The following SLX4IP variants were observed in gnomAD, a reference collection of about 807,000 sequenced individuals.
SLX4IP encodes SLX4 interacting protein.
A neutral mutation model predicts 32.9 loss-of-function variants in SLX4IP; 34 were observed. That is an observed-to-expected ratio of 1.03 (90% confidence interval 0.79 to 1.38). The LOEUF (loss-of-function observed/expected upper bound fraction) is 1.38, where lower values mean the gene tolerates loss of function less well. Among genes scored for constraint, SLX4IP ranks in the 40% most tolerant of loss-of-function variants. The pLI is 0.00. For missense variants in SLX4IP, 444 were observed against 479.0 expected, an observed-to-expected ratio of 0.93 and a Z score of 0.68; for synonymous variants, 172 against 171.7, an observed-to-expected ratio of 1.00 and a Z score of -0.01.
chr20:10,625,475 T>C lies in SLX4IP; in HGVS notation c.*2096T>C, dbSNP rs1255947508. On this transcript the variant is annotated 3_prime_UTR_variant, in exon 8 of 8. Transcript: ENST00000334534. ...CTATTGAGAAGTTTTTATTTGTTTG[T>C]TCTGTTGGTTTTTTGTTATTTCTGT... is the stretch of plus-strand genomic sequence containing the variant. 1 of 152,214 alleles carries C rather than the reference T, an allele frequency of 6.6e-6. No individual in the cohort carries two copies. The allele number at this position is 152,214 out of a possible 1,614,324, so 9.4% of individuals were successfully genotyped here.
chr20:10,581,048 A>G (rs919086458), intron 4 of SLX4IP, among the ~76,000 whole-genome samples: 16 of 152,138 alleles, frequency 1.1e-4, no homozygotes, highest in African/African-American at 3.4e-4. Context: ...CTGAGCCCCA[A>G]AAAAGCCTTT....
chr20:10,600,684 G>T (rs1033893049), intron 5 of SLX4IP, among the ~76,000 whole-genome samples: 3 of 152,138 alleles, frequency 2.0e-5, no homozygotes, highest in Non-Finnish European at 4.4e-5. Flanking sequence ...CTCAGTCATT[G>T]CCATCATGTG....
At chr20:10,596,736 T>C (rs2066775059) in intron 4 of SLX4IP, among the ~76,000 whole-genome samples, 1 of 152,212 alleles carries the variant, frequency 6.6e-6, no homozygotes, top group Non-Finnish European at 1.5e-5. Flanking sequence ...TATGTGTTTG[T>C]GAGTCACCAA....
intron 1 of SLX4IP, among the ~76,000 whole-genome samples, chr20:10,455,300 A>C (rs6039945): frequency 0.47 from 71,963 of 151,940 alleles, 18,954 homozygotes; most frequent in Non-Finnish European, 0.6. Context: ...TTGCCTAATG[A>C]AAGGTCACAA....
intron 2 of SLX4IP, among the ~76,000 whole-genome samples, chr20:10,507,706 G>A (rs560988046): frequency 1.3e-4 from 20 of 152,124 alleles, no homozygotes; most frequent in Admixed American, 2.6e-4. Flanking sequence ...TGGGACAGAA[G>A]CCTATTATCT....
intron 6 of SLX4IP, among the ~76,000 whole-genome samples, chr20:10,604,231 T>C (rs2066876562): frequency 6.6e-6 from 1 of 152,240 alleles, no homozygotes; most frequent in South Asian, 2.1e-4. Flanking sequence ...GTAGCTATGT[T>C]GGAAAGATTT....
chr20:10,452,527 G>A (rs914790983), intron 1 of SLX4IP, among the ~76,000 whole-genome samples: 1 of 151,546 alleles, frequency 6.6e-6, no homozygotes, highest in Non-Finnish European at 1.5e-5. Flanking sequence ...TTAGCTGGGC[G>A]TGGTGGCATG....
At chr20:10,613,088 C>T (rs571932298) in intron 6 of SLX4IP, 15 of 304,762 alleles carry the variant, frequency 4.9e-5, no homozygotes, top group Non-Finnish European at 8.1e-5. Context: ...CTAACAGACA[C>T]GCACATCGCA....
chr20:10,557,919 G>A (rs2066284922), intron 3 of SLX4IP, among the ~76,000 whole-genome samples: 1 of 152,240 alleles, frequency 6.6e-6, no homozygotes, highest in Non-Finnish European at 1.5e-5. Context: ...AAGCTGTGCA[G>A]TGCATGACAG....
chr20:10,595,997 G>A (rs1462861081), intron 4 of SLX4IP, among the ~76,000 whole-genome samples: 2 of 152,124 alleles, frequency 1.3e-5, no homozygotes, highest in African/African-American at 4.8e-5. Flanking sequence ...AGGTGTAGGG[G>A]TCAAGGTTTC....
intron 2 of SLX4IP, among the ~76,000 whole-genome samples, chr20:10,491,415 C>G (rs765935912): frequency 6.6e-6 from 1 of 152,066 alleles, no homozygotes; most frequent in Non-Finnish European, 1.5e-5. Context: ...GCTTTCGGAC[C>G]TTGCTCCTTT....
At chr20:10,540,096 T>TTTCC (rs61054747) in intron 2 of SLX4IP, among the ~76,000 whole-genome samples, 4,859 of 111,710 alleles carry the variant, frequency 0.043, 167 homozygotes, top group East Asian at 0.11. Flanking sequence ...CCTTCCTTCC[T>TTTCC]TTCCTTCCTT....
intron 1 of SLX4IP, among the ~76,000 whole-genome samples, chr20:10,445,942 T>C (rs1276969319): frequency 1.7e-5 from 2 of 119,222 alleles, no homozygotes; most frequent in African/African-American, 6.3e-5. Flanking sequence ...GCTTTTTTTT[T>C]TTTTTTTTTT....
intron 2 of SLX4IP, among the ~76,000 whole-genome samples, chr20:10,552,076 A>C (rs1382388484): frequency 6.6e-6 from 1 of 152,138 alleles, no homozygotes; most frequent in Admixed American, 6.5e-5. Context: ...AGGGGAAGGG[A>C]GGAGTTGGGG....
intron 1 of SLX4IP, among the ~76,000 whole-genome samples, chr20:10,457,729 T>A (rs957206043): frequency 6.6e-6 from 1 of 152,174 alleles, no homozygotes; most frequent in East Asian, 1.9e-4. Flanking sequence ...TTTGAGAAAT[T>A]TTTCTTATGC....
At chr20:10,466,060 A>G (rs73071189) in intron 2 of SLX4IP, among the ~76,000 whole-genome samples, 382 of 152,366 alleles carry the variant, frequency 2.5e-3, no homozygotes, top group Non-Finnish European at 4.1e-3. Context: ...AGACATGGAC[A>G]CATAATGTAA....
At chr20:10,596,864 T>C (rs2066776663) in intron 4 of SLX4IP, among the ~76,000 whole-genome samples, 1 of 152,218 alleles carries the variant, frequency 6.6e-6, no homozygotes. Flanking sequence ...CTCAGAGTAA[T>C]GTCAGTGGTG....
chr20:10,538,579 G>A (rs1198586688), intron 2 of SLX4IP, among the ~76,000 whole-genome samples: 11 of 151,340 alleles, frequency 7.3e-5, no homozygotes, highest in Admixed American at 5.3e-4. Context: ...AGGCTGGAGT[G>A]CAGTGGTGCC....
chr20:10,475,064 T>G (rs1021032476), intron 2 of SLX4IP, among the ~76,000 whole-genome samples: 1 of 152,198 alleles, frequency 6.6e-6, no homozygotes, highest in African/African-American at 2.4e-5. Flanking sequence ...GAATATTATC[T>G]GCCAAGGCTA....
Sources: allele counts gnomAD v4.1 joint callset (sites outside exome capture counted in the v4.1 genomes callset), GRCh38; gene constraint gnomAD v4.1.1; transcripts MANE v1.5; gene names NCBI Gene and HGNC (gene_info 2026-07-23, HGNC 2026-07-21).